SIL1: variants seen among roughly 807,000 people sequenced by gnomAD.
SIL1 encodes nucleotide exchange factor SIL1.
A neutral mutation model predicts 49.1 loss-of-function variants in SIL1; 40 were observed. That is an observed-to-expected ratio of 0.81 (90% CI 0.63 to 1.06). The LOEUF is 1.06. Among genes scored for constraint, SIL1 ranks in the 50% least tolerant of loss-of-function variants. The pLI, the probability that SIL1 is intolerant of heterozygous loss-of-function variation, is 0.00. For missense variants in SIL1, 500 were observed against 572.6 expected (o/e 0.87, Z 1.29); for synonymous variants, 253 against 250.8 (o/e 1.01, Z -0.08).
intron 1 of SIL1, chr5:139,155,599 T>A (rs950867492): frequency 1.3e-5 from 2 of 152,302 alleles, no homozygotes; most frequent in African/African-American, 4.8e-5. Context: ...ACAGCCACAC[T>A]TGGGATTAGG....
chr5:139,174,223 G>T (rs1251560983), intron 1 of SIL1, among the ~76,000 whole-genome samples: 3 of 152,208 alleles, frequency 2.0e-5, no homozygotes, highest in African/African-American at 7.2e-5. Context: ...AAACAGGCCA[G>T]GCACAGTGGT....
At chr5:138,950,274 C>T (rs113368582) in intron 9 of SIL1, among the ~76,000 whole-genome samples, 458 of 152,362 alleles carry the variant, frequency 3.0e-3, no homozygotes, top group Middle Eastern at 0.027. Flanking sequence ...TCAATTGGAT[C>T]TGAGCACCAC....
At chr5:139,028,303 G>A (rs1325327391) in intron 5 of SIL1, among the ~76,000 whole-genome samples, 1 of 151,774 alleles carries the variant, frequency 6.6e-6, no homozygotes, top group Non-Finnish European at 1.5e-5. Context: ...TTCAAGACCA[G>A]CCTGACCAAT....
chr5:139,015,750 T>G (rs1256270110), intron 7 of SIL1, among the ~76,000 whole-genome samples: 2 of 152,238 alleles, frequency 1.3e-5, no homozygotes, highest in African/African-American at 4.8e-5. Flanking sequence ...AAACATCTCT[T>G]TATGTCTCAT....
Position 138,962,304 on chromosome 5 carries a change from AT to A in SIL1, c.768-10421del, listed in dbSNP as rs76466712. ...AAAGCCAATGACCTGGACTTTTTCC[AT>A]TTTTTTTTTTTTCCTCTTCACCAAA... is the stretch of plus-strand genomic sequence containing the variant. On this transcript the variant is annotated intron_variant, in intron 7 of 9. Coordinates refer to ENST00000394817, the MANE Select transcript of SIL1 (RefSeq NM_022464.5). Among the ~76,000 whole-genome samples, 1,077 of 142,758 alleles carry A rather than the reference AT, an allele frequency of 7.5e-3. 5 individuals carry two copies. Among genetic ancestry groups the A allele is most frequent in the South Asian group, 0.021 (96 of 4,530 alleles). The allele number at this position is 142,758 out of a possible 152,430, so 93.7% of individuals were successfully genotyped here.
intron 1 of SIL1, among the ~76,000 whole-genome samples, chr5:139,164,419 A>C (rs183607205): frequency 6.6e-6 from 1 of 152,230 alleles, no homozygotes; most frequent in East Asian, 1.9e-4. Flanking sequence ...TAAGGGACAC[A>C]GATTGAGGCC....
chr5:139,181,671 G>T (rs567158306), intron 1 of SIL1, among the ~76,000 whole-genome samples: 1 of 152,190 alleles, frequency 6.6e-6, no homozygotes, highest in East Asian at 1.9e-4. Context: ...TCACTAAACT[G>T]GCTGCTCAGC....
At chr5:139,062,895 T>C (rs1369963301) in intron 3 of SIL1, among the ~76,000 whole-genome samples, 2 of 152,206 alleles carry the variant, frequency 1.3e-5, no homozygotes, top group Non-Finnish European at 2.9e-5. Flanking sequence ...GCCACTGCTG[T>C]GTTGGGCACT....
chr5:138,971,528 A>C (rs892716462), intron 7 of SIL1, among the ~76,000 whole-genome samples: 1 of 152,148 alleles, frequency 6.6e-6, no homozygotes, highest in Non-Finnish European at 1.5e-5. Context: ...TTTTCTCACC[A>C]ACTAACTTGA....
intron 3 of SIL1, among the ~76,000 whole-genome samples, chr5:139,103,274 G>C (rs562205854): frequency 6.6e-6 from 1 of 152,284 alleles, no homozygotes; most frequent in Non-Finnish European, 1.5e-5. Flanking sequence ...CTTAGAATAA[G>C]AGTTCTGATT....
intron 1 of SIL1, among the ~76,000 whole-genome samples, chr5:139,143,184 G>A (rs915307410): frequency 2.0e-5 from 3 of 151,060 alleles, no homozygotes; most frequent in South Asian, 4.2e-4. Flanking sequence ...TATTCTATGT[G>A]CAGATGATAT....
chr5:139,022,578 G>A (rs903923466), intron 6 of SIL1: 1 of 152,208 alleles, frequency 6.6e-6, no homozygotes, highest in African/African-American at 2.4e-5. Flanking sequence ...AGAAAAGAAT[G>A]TTCCTGAAAT....
intron 7 of SIL1, among the ~76,000 whole-genome samples, chr5:138,982,082 C>T (rs901157315): frequency 2.6e-5 from 4 of 152,196 alleles, no homozygotes; most frequent in Non-Finnish European, 4.4e-5. Context: ...ACTCTCAGCT[C>T]GGTGCCTGAC....
intron 3 of SIL1, among the ~76,000 whole-genome samples, chr5:139,074,190 G>A (rs957390137): frequency 1.3e-5 from 2 of 152,238 alleles, no homozygotes; most frequent in African/African-American, 2.4e-5. Context: ...CGGAGTAGCT[G>A]GGACTACAAG....
At chr5:138,988,492 A>T (rs929625797) in intron 7 of SIL1, among the ~76,000 whole-genome samples, 3 of 152,252 alleles carry the variant, frequency 2.0e-5, no homozygotes, top group Non-Finnish European at 4.4e-5. Flanking sequence ...CGTTTAAACA[A>T]TAAATTTTGC....
At chr5:138,970,996 AG>A (rs1428002758) in intron 7 of SIL1, among the ~76,000 whole-genome samples, 1 of 152,152 alleles carries the variant, frequency 6.6e-6, no homozygotes, top group Non-Finnish European at 1.5e-5. Flanking sequence ...ATTACTGTCC[AG>A]ATGGAAGTGA....
At chr5:139,087,400 T>G (rs764893817) in intron 3 of SIL1, among the ~76,000 whole-genome samples, 1 of 152,006 alleles carries the variant, frequency 6.6e-6, no homozygotes, top group Non-Finnish European at 1.5e-5. Context: ...ATTGAAAGAC[T>G]CTAAGAACCA....
chr5:138,962,304 A>ATTTTTTTTTT (rs76466712), intron 7 of SIL1, among the ~76,000 whole-genome samples: 6 of 143,062 alleles, frequency 4.2e-5, no homozygotes, highest in African/African-American at 1.5e-4. Context: ...GACTTTTTCC[A>ATTTTTTTTTT]TTTTTTTTTT....
At position 139,121,127 on chromosome 5, in the gene SIL1, G is replaced by A. The variant is rs144192049; in HGVS notation, c.152C>T (p.Thr51Ile). ...CTCGGCTTTGGTTTCTTTTCTCTCT[G>A]TTTCTTTGGTGCTGCTCTTCTCTGG... The part of the protein sequence containing the change: ...TNPEKSSTKE[T>I]ERKETKAEEE... The change falls in exon 3 of 10, where the codon ACA becomes ATA. Residue 51 changes from threonine (T) to isoleucine (I), a missense_variant. Transcript: ENST00000394817. 5.1e-4 allele frequency: 823 copies of A among 1,614,132 alleles called. 6 individuals are homozygous for A. In the African/African-American group the frequency reaches 9.7e-3, roughly 19 times the overall value.
Sources: gnomAD v4.1 joint callset for allele counts (sites outside exome capture counted in the v4.1 genomes callset) on GRCh38, gnomAD v4.1.1 for gene constraint, MANE v1.5 for transcripts, NCBI Gene and HGNC (gene_info 2026-07-23, HGNC 2026-07-21) for gene names.